The following DIRAS2 variants were observed in gnomAD, a reference collection of about 807,000 sequenced individuals.
DIRAS2 encodes the protein DIRAS family GTPase 2.
A neutral mutation model predicts 13.9 loss-of-function variants in DIRAS2; 5 were observed. That is an observed-to-expected ratio of 0.36 (90% CI 0.19 to 0.76). The LOEUF (loss-of-function observed/expected upper bound fraction) is 0.76. Among genes scored for constraint, DIRAS2 ranks in the 30% least tolerant of loss-of-function variants. DIRAS2 has a pLI of 0.53. For synonymous variants in DIRAS2, 111 were observed against 105.4 expected, an observed-to-expected ratio of 1.05 and a Z score of -0.33; for missense variants, 191 against 263.0, an observed-to-expected ratio of 0.73 and a Z score of 1.89.
chr9:90,611,934 C>G lies in DIRAS2; in HGVS notation c.*1294G>C, dbSNP rs1825118534. On this transcript the variant is annotated 3_prime_UTR_variant, in exon 2 of 2. Coordinates refer to ENST00000375765, the MANE Select transcript of DIRAS2 (RefSeq NM_017594.5). ...GCTCTTCCCAGGGCAGAGAAGCCTG[C>G]CTGTCTCCAGCCACCATCCTATCCC... 1 of 152,336 alleles carries G rather than the reference C, an allele frequency of 6.6e-6. No individual in the cohort carries two copies. The highest frequency in any genetic ancestry group is 1.5e-5 in the Non-Finnish European group (1 of 68,040). 9.4% of individuals were successfully genotyped at this position (152,336 alleles called of 1,614,324 possible).
intron 1 of DIRAS2, among the ~76,000 whole-genome samples, chr9:90,627,450 C>A (rs143207759): frequency 1.0e-3 from 152 of 152,224 alleles, no homozygotes; most frequent in East Asian, 2.7e-3. Context: ...TGTATGAATT[C>A]ACTTATAGCG....
intron 1 of DIRAS2, among the ~76,000 whole-genome samples, chr9:90,625,402 AG>A (rs1386459362): frequency 6.6e-6 from 1 of 152,230 alleles, no homozygotes; most frequent in Non-Finnish European, 1.5e-5. Context: ...ACTGAATCCA[AG>A]GTCATGAAGA....
intron 1 of DIRAS2, among the ~76,000 whole-genome samples, chr9:90,629,281 T>C (rs1235878009): frequency 6.6e-6 from 1 of 152,226 alleles, no homozygotes; most frequent in African/African-American, 2.4e-5. Flanking sequence ...ATCTCTATAC[T>C]CTTTCCAGCA....
chr9:90,615,756 G>C (rs1047528552), intron 1 of DIRAS2, among the ~76,000 whole-genome samples: 2 of 152,146 alleles, frequency 1.3e-5, no homozygotes, highest in Non-Finnish European at 2.9e-5. Context: ...CTCTCTCCTT[G>C]TCTTATAAAG....
intron 1 of DIRAS2, among the ~76,000 whole-genome samples, chr9:90,616,706 C>T (rs142564869): frequency 0.014 from 1,733 of 126,778 alleles, 23 homozygotes; most frequent in Non-Finnish European, 0.017. Flanking sequence ...CACCGCACTC[C>T]AGCCTGGGTG....
intron 1 of DIRAS2, among the ~76,000 whole-genome samples, chr9:90,619,958 A>G (rs1306354229): frequency 6.8e-6 from 1 of 147,064 alleles, no homozygotes; most frequent in Non-Finnish European, 1.5e-5. Flanking sequence ...CACATACTGT[A>G]TGGTTCCATC....
intron 1 of DIRAS2, among the ~76,000 whole-genome samples, chr9:90,625,075 C>T (rs996443319): frequency 6.6e-6 from 1 of 152,128 alleles, no homozygotes; most frequent in African/African-American, 2.4e-5. Flanking sequence ...GACTGGTGAC[C>T]AATGACCGAT....
In DIRAS2 at chr9:90,612,773, A is replaced by C. The variant is rs796080594; in HGVS notation, c.*455T>G. The C allele has an allele frequency of 5.0e-5, 9 of 180,124 alleles. No individual in the cohort carries two copies. The highest frequency in any genetic ancestry group is 2.1e-4 in the African/African-American group (9 of 42,216). The allele number at this position is 180,124 out of a possible 1,614,324, so 11.2% of individuals were successfully genotyped here. Reference sequence around the variant, plus strand: ...GACCAAGTGTGGTCCACTTTGGACCATCTGATCTTCTCACCTCTTCCTGCC... The same window carrying C: ...GACCAAGTGTGGTCCACTTTGGACCCTCTGATCTTCTCACCTCTTCCTGCC... On this transcript the variant is annotated 3_prime_UTR_variant, in exon 2 of 2. Coordinates refer to ENST00000375765, the MANE Select transcript of DIRAS2 (RefSeq NM_017594.5).
At chr9:90,627,106 C>A (rs775285891) in intron 1 of DIRAS2, among the ~76,000 whole-genome samples, 1 of 152,116 alleles carries the variant, frequency 6.6e-6, no homozygotes, top group Non-Finnish European at 1.5e-5. Context: ...CCCCACACCC[C>A]CAACTTGCAA....
intron 1 of DIRAS2, among the ~76,000 whole-genome samples, chr9:90,614,208 C>G (rs1181628610): frequency 1.3e-5 from 2 of 152,120 alleles, no homozygotes; most frequent in Non-Finnish European, 2.9e-5. Flanking sequence ...CGTAAAAACA[C>G]AAACACACAT....
At chr9:90,631,475 C>T (rs1825324720) in intron 1 of DIRAS2, among the ~76,000 whole-genome samples, 1 of 152,164 alleles carries the variant, frequency 6.6e-6, no homozygotes, top group Admixed American at 6.5e-5. Context: ...CTTTGAGGGC[C>T]TGCAGGCCAA....
At chr9:90,616,303 C>T (rs539283624) in intron 1 of DIRAS2, among the ~76,000 whole-genome samples, 10 of 152,308 alleles carry the variant, frequency 6.6e-5, no homozygotes, top group South Asian at 4.1e-4. Flanking sequence ...TGTGGACAAG[C>T]GGCCAGAAAA....
chr9:90,622,630 C>T (rs1314490615), intron 1 of DIRAS2, among the ~76,000 whole-genome samples: 5 of 152,090 alleles, frequency 3.3e-5, no homozygotes, highest in Non-Finnish European at 7.3e-5. Flanking sequence ...TGAATGCAGC[C>T]CAAGTTCAAA....
At chr9:90,632,244 C>T (rs1480670371) in intron 1 of DIRAS2, among the ~76,000 whole-genome samples, 2 of 152,188 alleles carry the variant, frequency 1.3e-5, no homozygotes, top group Admixed American at 6.5e-5. Flanking sequence ...CTAAGGGGCT[C>T]TGCTCCACAC....
At chr9:90,636,027 C>CTTTTTTTTTT (rs1172661795) in intron 1 of DIRAS2, among the ~76,000 whole-genome samples, 6 of 66,260 alleles carry the variant, frequency 9.1e-5, no homozygotes, top group Admixed American at 4.4e-4. Context: ...ACTGAATATT[C>CTTTTTTTTTT]TTTTTTTTTT....
At chr9:90,615,855 A>G (rs991805463) in intron 1 of DIRAS2, among the ~76,000 whole-genome samples, 1 of 152,210 alleles carries the variant, frequency 6.6e-6, no homozygotes, top group African/African-American at 2.4e-5. Flanking sequence ...GAACATACAC[A>G]TTTGAGGATT....
Position 90,613,128 on chromosome 9 carries a change from A to G in DIRAS2, c.*100T>C. The G allele has an allele frequency of 6.7e-7, 1 of 1,487,336 alleles. No homozygotes were observed. The highest frequency in any genetic ancestry group is 1.3e-5 in the South Asian group (1 of 75,170). The allele number at this position is 1,487,336 out of a possible 1,614,324, so 92.1% of individuals were successfully genotyped here. On this transcript the variant is annotated 3_prime_UTR_variant, in exon 2 of 2. Transcript: ENST00000375765. The surrounding 1 kb of genome is among the most constrained non-coding windows in gnomAD (Gnocchi z 5.6). ...GCATCTCGATTAAATGCAATGTTTA[A>G]CACGTGGGCATTATACATGCTACCC... is the stretch of plus-strand genomic sequence containing the variant.
chr9:90,638,398 G>A (rs1040152402), intron 1 of DIRAS2, among the ~76,000 whole-genome samples: 1 of 152,174 alleles, frequency 6.6e-6, no homozygotes, highest in African/African-American at 2.4e-5. Context: ...TTATCCAGTA[G>A]TTCTATCTCT....
intron 1 of DIRAS2, among the ~76,000 whole-genome samples, chr9:90,614,149 C>T (rs1270263483): frequency 6.6e-6 from 1 of 152,028 alleles, no homozygotes; most frequent in Non-Finnish European, 1.5e-5. Context: ...AAAGTGAGCC[C>T]GAGAGACAGC....
Sources: gnomAD v4.1 joint callset for allele counts (sites outside exome capture counted in the v4.1 genomes callset) on GRCh38, gnomAD v4.1.1 for gene constraint, Gnocchi (gnomAD v3.1) non-coding constraint, MANE v1.5 for transcripts, NCBI Gene and HGNC (gene_info 2026-07-23, HGNC 2026-07-21) for gene names.